Variants in DPYD observed in about 807,000 individuals in gnomAD.
The protein encoded by DPYD is dihydropyrimidine dehydrogenase.
A neutral mutation model predicts 116.2 loss-of-function variants in DPYD; 109 were observed. The observed-to-expected ratio is 0.94, with a 90% confidence interval of 0.80 to 1.10. The LOEUF is 1.10. DPYD is among the 50% of genes least tolerant of loss of function. The pLI is 0.00. For synonymous variants in DPYD, 440 were observed against 432.0 expected (o/e 1.02, Z -0.23); for missense variants, 1,302 against 1,254.5 (o/e 1.04, Z -0.57).
intron 20 of DPYD, among the ~76,000 whole-genome samples, chr1:97,142,838 A>G (rs2101698744): frequency 6.6e-6 from 1 of 152,190 alleles, no homozygotes; most frequent in South Asian, 2.1e-4. Context: ...ATGAAATTTG[A>G]TGAAATATTT....
chr1:97,132,557 A>G (rs1297566379), intron 20 of DPYD, among the ~76,000 whole-genome samples: 1 of 152,144 alleles, frequency 6.6e-6, no homozygotes, highest in Non-Finnish European at 1.5e-5. Context: ...AGAAATGTAA[A>G]CAACAACTAC....
intron 18 of DPYD, among the ~76,000 whole-genome samples, chr1:97,286,352 A>AC (rs1281371590): frequency 1.3e-5 from 2 of 151,784 alleles, no homozygotes; most frequent in South Asian, 4.2e-4. Context: ...TGCCCTTAAC[A>AC]TTTTTTCTTT....
chr1:97,510,430 A>G (rs750745046), intron 13 of DPYD, among the ~76,000 whole-genome samples: 2 of 152,034 alleles, frequency 1.3e-5, no homozygotes, highest in Non-Finnish European at 2.9e-5. Flanking sequence ...ATGTCTTTCT[A>G]TATCACAGAA....
chr1:97,586,465 CATATATATATATATATAT>C (rs57301424), intron 10 of DPYD, among the ~76,000 whole-genome samples: 2,702 of 34,344 alleles, frequency 0.079, 81 homozygotes, highest in South Asian at 0.12. Flanking sequence ...TACATACATA[CATATATATATATATATAT>C]ATATATATAT....
chr1:97,113,499 C>T (rs1651751491), intron 20 of DPYD, among the ~76,000 whole-genome samples: 1 of 152,032 alleles, frequency 6.6e-6, no homozygotes, highest in African/African-American at 2.4e-5. Flanking sequence ...ATCTACCTGG[C>T]CCAATACCCC....
rs1571469368 is a variant in DPYD at position 97,852,098 on chromosome 1, G to A, written c.151-23902C>T. Among the ~76,000 whole-genome samples the A allele has an allele frequency of 2.6e-5, 4 of 151,124 alleles. No homozygotes were observed. The South Asian group carries it at 8.4e-4, about 32-fold the overall frequency. ...CCTGAAGGAAACCAAATGAAAGAAT[G>A]TGGAAATTAAGCCATTCAAGCATTC... is the stretch of plus-strand genomic sequence containing the variant. On this transcript the variant is annotated intron_variant, in intron 2 of 22. Transcript: ENST00000370192.
At chr1:97,784,829 A>C (rs1011981290) in intron 3 of DPYD, among the ~76,000 whole-genome samples, 1 of 152,184 alleles carries the variant, frequency 6.6e-6, no homozygotes, top group Non-Finnish European at 1.5e-5. Context: ...TCCATTTTTT[A>C]TACAGTTAAA....
chr1:97,500,425 A>G (rs933584829), intron 13 of DPYD, among the ~76,000 whole-genome samples: 4 of 152,054 alleles, frequency 2.6e-5, no homozygotes, highest in Non-Finnish European at 5.9e-5. Flanking sequence ...ACAGTGATAT[A>G]TAAATTAATA....
At chr1:97,820,399 A>G (rs553284439) in intron 3 of DPYD, among the ~76,000 whole-genome samples, 2 of 152,310 alleles carry the variant, frequency 1.3e-5, no homozygotes, top group South Asian at 4.1e-4. Context: ...TGCTATTTAT[A>G]TTGCTTCCAC....
At chr1:97,851,995 A>G (rs1163843341) in intron 2 of DPYD, among the ~76,000 whole-genome samples, 2 of 151,500 alleles carry the variant, frequency 1.3e-5, no homozygotes, top group African/African-American at 4.8e-5. Flanking sequence ...AGAAAAAAAA[A>G]AAGACATACC....
chr1:97,189,526 A>G (rs1309516498), intron 20 of DPYD, among the ~76,000 whole-genome samples: 1 of 152,152 alleles, frequency 6.6e-6, no homozygotes, highest in Non-Finnish European at 1.5e-5. Flanking sequence ...AATTTCTTTC[A>G]TGTTTCTTAA....
At chr1:97,594,736 A>T (rs1654757894) in intron 9 of DPYD, among the ~76,000 whole-genome samples, 1 of 152,106 alleles carries the variant, frequency 6.6e-6, no homozygotes, top group Admixed American at 6.5e-5. Context: ...AAGATATGTG[A>T]CGATTCATGC....
At position 97,082,477 on chromosome 1, in the gene DPYD, A is replaced by C. The variant is rs760845859; in HGVS notation, c.2767-7T>G. 1.9e-6 allele frequency: 3 copies of C among 1,613,188 alleles called. No homozygotes were observed. In the East Asian group the frequency reaches 6.7e-5, roughly 36 times the overall value. ...GTGCTTTTCCTATTACATCCTAAAA[A>C]TAGCCACTGAATTACTTAGCAAGCT... On this transcript the variant is annotated splice_region_variant and splice_polypyrimidine_tract_variant and intron_variant, in intron 21 of 22. Coordinates refer to ENST00000370192, the MANE Select transcript of DPYD (RefSeq NM_000110.4).
chr1:97,217,768 G>T (rs969103673), intron 19 of DPYD, among the ~76,000 whole-genome samples: 3 of 152,176 alleles, frequency 2.0e-5, no homozygotes, highest in African/African-American at 7.2e-5. Context: ...CAGTCTTAGG[G>T]CTGGACCAGA....
At chr1:97,664,681 T>C (rs1254132049) in intron 8 of DPYD, among the ~76,000 whole-genome samples, 2 of 152,096 alleles carry the variant, frequency 1.3e-5, no homozygotes, top group East Asian at 1.9e-4. Context: ...ATTTTGCTTC[T>C]CATATAACTC....
chr1:97,798,116 T>C (rs1667668979), intron 3 of DPYD: 1 of 152,054 alleles, frequency 6.6e-6, no homozygotes, highest in African/African-American at 2.4e-5. Flanking sequence ...ATTTTCAATA[T>C]TTGTTAAATA....
In DPYD at chr1:97,106,688, C is replaced by T. The variant is rs540788491; in HGVS notation, c.2623-8056G>A. On this transcript the variant is annotated intron_variant, in intron 20 of 22. Coordinates refer to ENST00000370192, the MANE Select transcript of DPYD (RefSeq NM_000110.4). ...GAGTTAAGTATGCCATTGGCTCCCCCAGTTTTTAGGCCTTCAGAGTCAGGC... is the reference window on the plus strand; with the variant it reads ...GAGTTAAGTATGCCATTGGCTCCCCTAGTTTTTAGGCCTTCAGAGTCAGGC... 2.6e-5 allele frequency among the ~76,000 whole-genome samples: 4 copies of T among 152,224 alleles called. No homozygotes were observed. The South Asian group carries it at 6.2e-4, about 24-fold the overall frequency.
chr1:97,249,193 C>T (rs1662917791), intron 18 of DPYD, among the ~76,000 whole-genome samples: 1 of 152,200 alleles, frequency 6.6e-6, no homozygotes, highest in East Asian at 1.9e-4. Context: ...TTAGGACTTG[C>T]TTTAAATTTA....
chr1:97,094,048 T>C (rs1219583784), intron 21 of DPYD, among the ~76,000 whole-genome samples: 1 of 152,094 alleles, frequency 6.6e-6, no homozygotes, highest in Non-Finnish European at 1.5e-5. Context: ...TTCCTCTTCT[T>C]ATCCCTTTCC....
Sources: gnomAD v4.1 joint callset for allele counts (sites outside exome capture counted in the v4.1 genomes callset) on GRCh38, gnomAD v4.1.1 for gene constraint, MANE v1.5 for transcripts, NCBI Gene and HGNC (gene_info 2026-07-23, HGNC 2026-07-21) for gene names.